CPEB3: variants seen among roughly 807,000 people sequenced by gnomAD.
The protein encoded by CPEB3 is cytoplasmic polyadenylation element-binding protein 3.
Under a neutral mutation model 67.2 loss-of-function variants are expected in CPEB3, and 20 were observed. The observed-to-expected ratio is 0.30, with a 90% CI of 0.21 to 0.43. CPEB3 has a LOEUF of 0.43. CPEB3 is among the 20% of genes least tolerant of loss of function. The pLI is 1.00. For missense variants in CPEB3, 746 were observed against 968.6 expected (o/e 0.77, Z 3.05); for synonymous variants, 376 against 393.1 (o/e 0.96, Z 0.51).
At chr10:92,223,793 G>A (rs1243427800) in intron 2 of CPEB3, among the ~76,000 whole-genome samples, 1 of 149,290 alleles carries the variant, frequency 6.7e-6, no homozygotes, top group African/African-American at 2.5e-5. Flanking sequence ...CTCTCGCCCA[G>A]GCTGGAGTGC....
rs557172602 is a variant in CPEB3, at chr10:92,282,591, CAGG to C, written c.-12+8332_-12+8334del. 5.2e-4 allele frequency among the ~76,000 whole-genome samples: 79 copies of C among 152,004 alleles called. No homozygotes were observed. In the South Asian group the frequency reaches 0.015, roughly 29 times the overall value. On this transcript the variant is annotated intron_variant, in intron 1 of 9. Coordinates refer to ENST00000265997, the MANE Select transcript of CPEB3 (RefSeq NM_014912.5). Reference sequence around the variant, plus strand: ...TAATCCCAAACTCAGGAGGCTGAAGCAGGAGAATTGCTTGAACAGGGAGATGGA... The same window carrying C: ...TAATCCCAAACTCAGGAGGCTGAAGCAGAATTGCTTGAACAGGGAGATGGA...
At chr10:92,222,593 T>G (rs1452110551) in intron 2 of CPEB3, among the ~76,000 whole-genome samples, 1 of 152,222 alleles carries the variant, frequency 6.6e-6, no homozygotes, top group Admixed American at 6.6e-5. Context: ...CTTAAAACTT[T>G]GCATTGGGTG....
chr10:92,154,536 A>G (rs1156578799), intron 4 of CPEB3, among the ~76,000 whole-genome samples: 1 of 152,152 alleles, frequency 6.6e-6, no homozygotes, highest in Non-Finnish European at 1.5e-5. Context: ...ACTTTATCAT[A>G]AAACCCTCTT....
chr10:92,243,495 A>G (rs1200308607), intron 1 of CPEB3, among the ~76,000 whole-genome samples: 1 of 152,230 alleles, frequency 6.6e-6, no homozygotes, highest in East Asian at 1.9e-4. Flanking sequence ...CTGGTTTGTC[A>G]ACTTGCCATA....
chr10:92,069,578 T>G (rs574044248), intron 9 of CPEB3, among the ~76,000 whole-genome samples: 1 of 152,300 alleles, frequency 6.6e-6, no homozygotes, highest in South Asian at 2.1e-4. Flanking sequence ...CTAATTTTTG[T>G]ACTTTTAGTA....
intron 9 of CPEB3, among the ~76,000 whole-genome samples, chr10:92,058,025 A>G (rs1667675875): frequency 6.6e-6 from 1 of 152,208 alleles, no homozygotes; most frequent in Non-Finnish European, 1.5e-5. Context: ...TAATTCTTCA[A>G]TGCCCAGACA....
At chr10:92,065,303 C>G (rs928527041) in intron 9 of CPEB3, among the ~76,000 whole-genome samples, 1 of 152,216 alleles carries the variant, frequency 6.6e-6, no homozygotes, top group African/African-American at 2.4e-5. Flanking sequence ...TCACTGCAAC[C>G]TCCATCTCCT....
At chr10:92,227,528 T>C (rs1348207112) in intron 2 of CPEB3, among the ~76,000 whole-genome samples, 6 of 152,198 alleles carry the variant, frequency 3.9e-5, no homozygotes, top group Non-Finnish European at 7.4e-5. Flanking sequence ...CCAACCTTCT[T>C]AACTGTTTAT....
intron 1 of CPEB3, among the ~76,000 whole-genome samples, chr10:92,260,245 G>A (rs1210686784): frequency 6.6e-6 from 1 of 152,124 alleles, no homozygotes; most frequent in South Asian, 2.1e-4. Flanking sequence ...TCTTACTGCA[G>A]GGTATCCTAA....
chr10:92,120,096 T>TAAAAAAAAAAAAAAAAAAAAA (rs1845270296), intron 6 of CPEB3, among the ~76,000 whole-genome samples: 2 of 12,908 alleles, frequency 1.5e-4, no homozygotes, highest in Non-Finnish European at 1.4e-4. Flanking sequence ...CTACTAAAAA[T>TAAAAAAAAAAAAAAAAAAAAA]ACAAAAAAAA....
chr10:92,214,316 G>A (rs758403818), intron 2 of CPEB3, among the ~76,000 whole-genome samples: 9 of 152,080 alleles, frequency 5.9e-5, no homozygotes, highest in Non-Finnish European at 1.0e-4. Flanking sequence ...CACCAACAAG[G>A]CACTATCTTG....
intron 2 of CPEB3, among the ~76,000 whole-genome samples, chr10:92,237,395 G>A (rs1851591562): frequency 6.6e-6 from 1 of 152,210 alleles, no homozygotes. Context: ...ATGGAAAGAT[G>A]AGACTATACT....
At chr10:92,275,632 T>C (rs1841943489) in intron 1 of CPEB3, among the ~76,000 whole-genome samples, 1 of 152,046 alleles carries the variant, frequency 6.6e-6, no homozygotes, top group Admixed American at 6.6e-5. Flanking sequence ...TTTTAGACCA[T>C]TTTCATCAAC....
At chr10:92,054,454 A>G (rs192098797) in intron 9 of CPEB3, among the ~76,000 whole-genome samples, 3 of 151,258 alleles carry the variant, frequency 2.0e-5, no homozygotes, top group African/African-American at 4.9e-5. Context: ...ACGGCGTCTC[A>G]CTCTTGTTGC....
intron 2 of CPEB3, among the ~76,000 whole-genome samples, chr10:92,220,722 G>A (rs1850657534): frequency 6.6e-6 from 1 of 152,148 alleles, no homozygotes; most frequent in Non-Finnish European, 1.5e-5. Context: ...AGGCCTTGAT[G>A]TTAAACATCT....
intron 1 of CPEB3, among the ~76,000 whole-genome samples, chr10:92,285,889 C>T: frequency 6.6e-6 from 1 of 151,842 alleles, no homozygotes; most frequent in Non-Finnish European, 1.5e-5. Flanking sequence ...TCCTCAAATG[C>T]TATCATGTTA....
At chr10:92,124,378 A>C (rs963922397) in intron 6 of CPEB3, among the ~76,000 whole-genome samples, 6 of 152,224 alleles carry the variant, frequency 3.9e-5, no homozygotes, top group African/African-American at 1.4e-4. Context: ...TGTTTATAAA[A>C]GTGTAAACTG....
At chr10:92,243,242 T>G (rs1272185071) in intron 1 of CPEB3, 1 of 152,170 alleles carries the variant, frequency 6.6e-6, no homozygotes, top group Non-Finnish European at 1.5e-5. Flanking sequence ...TTCAGGTTGA[T>G]TATGTGACCG....
intron 3 of CPEB3, among the ~76,000 whole-genome samples, chr10:92,182,678 T>C (rs918672786): frequency 1.3e-5 from 2 of 151,958 alleles, no homozygotes; most frequent in Non-Finnish European, 2.9e-5. Flanking sequence ...ATACAAAAAT[T>C]AGCTGGGTGT....
Sources: gnomAD v4.1 joint callset for allele counts (sites outside exome capture counted in the v4.1 genomes callset) on GRCh38, gnomAD v4.1.1 for gene constraint, MANE v1.5 for transcripts, NCBI Gene and HGNC (gene_info 2026-07-23, HGNC 2026-07-21) for gene names.